Variants in DOK5 observed in about 807,000 individuals in gnomAD.
DOK5 encodes the protein docking protein 5.
DOK5 carries 27 observed loss-of-function variants against 43.3 expected under a neutral mutation model. The ratio of observed to expected loss-of-function variants is 0.62; its 90% CI spans 0.46 to 0.86. The LOEUF is 0.86. Among genes scored for constraint, DOK5 ranks in the 40% least tolerant of loss-of-function variants. DOK5 has a pLI of 0.00. For missense variants in DOK5, 373 were observed against 392.9 expected, an observed-to-expected ratio of 0.95 and a Z score of 0.43; for synonymous variants, 146 against 140.1, an observed-to-expected ratio of 1.04 and a Z score of -0.30.
At chr20:54,476,161 C>A in intron 1 of DOK5, 149 bp downstream of exon 1, 2 of 1,514,300 alleles carry the variant, frequency 1.3e-6, no homozygotes, top group Middle Eastern at 2.3e-4. Context: ...GTCTCCGGGG[C>A]TGTCACTGTA....
chr20:54,550,894 G>A (rs1984507392), intron 1 of DOK5, among the ~76,000 whole-genome samples: 1 of 151,930 alleles, frequency 6.6e-6, no homozygotes, highest in Non-Finnish European at 1.5e-5. Context: ...GGGGATAAAA[G>A]TTTTCATTTC....
At chr20:54,633,028 G>A (rs1016787797) in intron 6 of DOK5, among the ~76,000 whole-genome samples, 4 of 152,084 alleles carry the variant, frequency 2.6e-5, no homozygotes, top group South Asian at 2.1e-4. Context: ...CTGAGATCGC[G>A]CCATTGCACT....
intron 1 of DOK5, among the ~76,000 whole-genome samples, chr20:54,511,027 A>C (rs949692549): frequency 6.6e-6 from 1 of 152,162 alleles, no homozygotes; most frequent in Non-Finnish European, 1.5e-5. Context: ...ATTATTTTCT[A>C]CGGGCTCAAT....
intron 1 of DOK5, among the ~76,000 whole-genome samples, chr20:54,490,957 C>T (rs989652840): frequency 2.0e-5 from 3 of 152,196 alleles, no homozygotes; most frequent in Non-Finnish European, 2.9e-5. Context: ...AACTCTTTTC[C>T]GTCCATGTCT....
chr20:54,600,466 G>A (rs1195167372), intron 5 of DOK5, among the ~76,000 whole-genome samples: 1 of 152,110 alleles, frequency 6.6e-6, no homozygotes, highest in African/African-American at 2.4e-5. Context: ...TAAACACACA[G>A]TTATGGTTTA....
chr20:54,644,518 C>T (rs926278570), intron 7 of DOK5, among the ~76,000 whole-genome samples: 14 of 151,038 alleles, frequency 9.3e-5, no homozygotes, highest in Non-Finnish European at 1.6e-4. Context: ...TCCTGGCTAA[C>T]ACAGTGAAAC....
chr20:54,572,524 T>A (rs1985316952), intron 2 of DOK5, among the ~76,000 whole-genome samples: 2 of 152,042 alleles, frequency 1.3e-5, no homozygotes, highest in Admixed American at 6.5e-5. Context: ...GGAAAAAAAA[T>A]TAAATGACAT....
intron 1 of DOK5, among the ~76,000 whole-genome samples, chr20:54,543,914 A>G (rs1984253001): frequency 6.6e-6 from 1 of 152,202 alleles, no homozygotes. Flanking sequence ...AGAGAGCCCT[A>G]TTCCCATACC....
intron 6 of DOK5, among the ~76,000 whole-genome samples, chr20:54,627,381 T>C (rs1016226592): frequency 2.6e-5 from 4 of 152,234 alleles, no homozygotes; most frequent in African/African-American, 7.2e-5. Context: ...TGCTGCCTTG[T>C]CTTTTGAAAT....
In DOK5 at chr20:54,550,270, C is replaced by G. The variant is rs538769787; in HGVS notation, c.67-4663C>G. On this transcript the variant is annotated intron_variant, in intron 1 of 7. Coordinates refer to ENST00000262593, the MANE Select transcript of DOK5 (RefSeq NM_018431.5). ...TTAAGATCTTGCTTTAATATCTGTACATCTTACTGTCTTTTTAAAAATTTA... is the reference window on the plus strand; with the variant it reads ...TTAAGATCTTGCTTTAATATCTGTAGATCTTACTGTCTTTTTAAAAATTTA... 2.6e-5 allele frequency among the ~76,000 whole-genome samples: 4 copies of G among 151,294 alleles called. No individual in the cohort carries two copies. The East Asian group carries it at 7.8e-4, about 29-fold the overall frequency.
intron 7 of DOK5, among the ~76,000 whole-genome samples, chr20:54,645,850 G>A (rs1979386293): frequency 6.8e-6 from 1 of 146,956 alleles, no homozygotes; most frequent in Admixed American, 7.0e-5. Flanking sequence ...GAAAGCACTG[G>A]GGGTATTTAC....
At chr20:54,568,746 T>G (rs978253366) in intron 2 of DOK5, among the ~76,000 whole-genome samples, 6 of 151,880 alleles carry the variant, frequency 4.0e-5, no homozygotes, top group Admixed American at 1.3e-4. Flanking sequence ...CTGGCTAACA[T>G]GATGAAACCC....
At chr20:54,521,195 A>G (rs1034733233) in intron 1 of DOK5, among the ~76,000 whole-genome samples, 10 of 151,970 alleles carry the variant, frequency 6.6e-5, no homozygotes, top group Non-Finnish European at 1.2e-4. Context: ...CCTTTTTTTA[A>G]TGACATGACT....
chr20:54,539,347 G>T (rs926124816), intron 1 of DOK5, among the ~76,000 whole-genome samples: 2 of 150,478 alleles, frequency 1.3e-5, no homozygotes, highest in Non-Finnish European at 2.9e-5. Context: ...CTTAAGGCAG[G>T]CAAGGAAGTA....
intron 1 of DOK5, among the ~76,000 whole-genome samples, chr20:54,522,623 A>T (rs1983448891): frequency 6.6e-6 from 1 of 150,426 alleles, no homozygotes; most frequent in African/African-American, 2.5e-5. Flanking sequence ...GGGTTCAAGC[A>T]ACTCTCCTGC....
intron 6 of DOK5, among the ~76,000 whole-genome samples, chr20:54,633,782 G>T (rs956740882): frequency 6.6e-6 from 1 of 152,224 alleles, no homozygotes; most frequent in African/African-American, 2.4e-5. Context: ...ATTAGGTATT[G>T]AGGTACTGAT....
chr20:54,580,626 T>C (rs1037713923), intron 2 of DOK5, among the ~76,000 whole-genome samples: 3 of 152,198 alleles, frequency 2.0e-5, no homozygotes, highest in African/African-American at 7.2e-5. Context: ...GTTGAGAATC[T>C]TCTGATATAT....
At chr20:54,633,235 C>A (rs979135933) in intron 6 of DOK5, among the ~76,000 whole-genome samples, 2 of 152,118 alleles carry the variant, frequency 1.3e-5, no homozygotes, top group Non-Finnish European at 2.9e-5. Flanking sequence ...GCCCAGAAAG[C>A]ATAGGGAGAT....
intron 1 of DOK5, among the ~76,000 whole-genome samples, chr20:54,514,632 G>A (rs1365234291): frequency 2.1e-5 from 3 of 145,882 alleles, no homozygotes; most frequent in Non-Finnish European, 4.5e-5. Context: ...AATCAGGGGA[G>A]AGCAATTGGA....
Sources: allele counts gnomAD v4.1 joint callset (sites outside exome capture counted in the v4.1 genomes callset), GRCh38; gene constraint gnomAD v4.1.1; transcripts MANE v1.5; gene names NCBI Gene and HGNC (gene_info 2026-07-23, HGNC 2026-07-21).